Variants in TMEM237 observed in about 807,000 individuals in gnomAD.
The protein encoded by TMEM237 is amyotrophic lateral sclerosis 2 (juvenile) chromosome region, candidate 4.
Under a neutral mutation model 59.1 loss-of-function variants are expected in TMEM237, and 51 were observed. The observed-to-expected ratio is 0.86, with a 90% CI of 0.69 to 1.09. The LOEUF (loss-of-function observed/expected upper bound fraction) is 1.09, where lower values mean the gene tolerates loss of function less well. Among genes scored for constraint, TMEM237 ranks in the 50% least tolerant of loss-of-function variants. TMEM237 has a pLI of 0.00. For synonymous variants in TMEM237, 140 were observed against 166.1 expected, an observed-to-expected ratio of 0.84 and a Z score of 1.21; for missense variants, 475 against 478.3, an observed-to-expected ratio of 0.99 and a Z score of 0.06.
chr2:201,636,181 A>G (rs1687294279), intron 5 of TMEM237: 1 of 152,264 alleles, frequency 6.6e-6, no homozygotes, highest in Admixed American at 6.5e-5. Context: ...AACATCCTTT[A>G]ATTACTGCAG....
At chr2:201,624,398 A>T in intron 12 of TMEM237, 76 bp from the exon 13 acceptor site, 1 of 1,070,076 alleles carries the variant, frequency 9.3e-7, no homozygotes, top group Non-Finnish European at 1.4e-6. Context: ...GCTTATTTAT[A>T]AATAGTCCTT....
At position 201,623,333 on chromosome 2, in the gene TMEM237, A is replaced by C. The variant is rs1957727508; in HGVS notation, c.*922T>G. Reference sequence around the variant, plus strand: ...CAACAGCTGAGGTACCATTGGATATAGTTCTGAAGAGATCTTTCCCAGTGC... The same window carrying C: ...CAACAGCTGAGGTACCATTGGATATCGTTCTGAAGAGATCTTTCCCAGTGC... On this transcript the variant is annotated 3_prime_UTR_variant, in exon 13 of 13. Coordinates refer to ENST00000409883, the MANE Select transcript of TMEM237 (RefSeq NM_001044385.3). The C allele has an allele frequency of 3.6e-6, 1 of 277,488 alleles. No individual in the cohort carries two copies. Among genetic ancestry groups the C allele is most frequent in the South Asian group, 3.9e-5 (1 of 25,636 alleles). 17.2% of individuals were successfully genotyped at this position (277,488 alleles called of 1,614,324 possible).
At chr2:201,641,728 G>GATACAC (rs1367872102) in intron 1 of TMEM237, among the ~76,000 whole-genome samples, 1 of 95,878 alleles carries the variant, frequency 1.0e-5, no homozygotes, top group African/African-American at 3.9e-5. Flanking sequence ...ATATACACAA[G>GATACAC]ATACACACAC....
In TMEM237 at chr2:201,642,996, T is replaced by G. The variant is rs1439202166; in HGVS notation, c.42+363A>C. On this transcript the variant is annotated intron_variant, in intron 1 of 12. Coordinates refer to ENST00000409883, the MANE Select transcript of TMEM237 (RefSeq NM_001044385.3). ...AAAGGACTCCGCAGGCGAACAGATC[T>G]CTTCTGGGCAGCTACAGACCTCTCC... 3.0e-5 allele frequency: 39 copies of G among 1,292,284 alleles called. No individual in the cohort carries two copies. The Admixed American group carries it at 1.6e-3, about 53-fold the overall frequency. 80.1% of individuals were successfully genotyped at this position (1,292,284 alleles called of 1,614,324 possible). A position where few individuals can be genotyped will look rare whatever the true frequency, so the allele number is the denominator to read the frequency against.
At position 201,638,980 on chromosome 2, in the gene TMEM237, A is replaced by C; in HGVS notation, c.136+9T>G. 6.3e-7 allele frequency: 1 copy of C among 1,576,056 alleles called. No individual in the cohort carries two copies. Among genetic ancestry groups the C allele is most frequent in the East Asian group, 2.3e-5 (1 of 43,702 alleles). On this transcript the variant is annotated intron_variant, in intron 4 of 12. Transcript: ENST00000409883. ...TTGTGATCCCACACAACAAAGAATAACGTCTTACCTGGTGTGTTTTTTGTT... is the reference window on the plus strand; with the variant it reads ...TTGTGATCCCACACAACAAAGAATACCGTCTTACCTGGTGTGTTTTTTGTT...
Position 201,643,314 on chromosome 2 carries a change from G to C in TMEM237, c.42+45C>G. 1.3e-6 allele frequency: 2 copies of C among 1,539,352 alleles called. No individual in the cohort carries two copies. Among genetic ancestry groups the C allele is most frequent in the Non-Finnish European group, 1.8e-6 (2 of 1,139,894 alleles). On this transcript the variant is annotated intron_variant, in intron 1 of 12. Coordinates refer to ENST00000409883, the MANE Select transcript of TMEM237 (RefSeq NM_001044385.3). The surrounding 1 kb of genome is among the most constrained non-coding windows in gnomAD (Gnocchi z 4.3). Reference sequence around the variant, plus strand: ...CCCACCCCCACTGCCAAGTGTAGCTGTTTACCCGCCACCTCTCGAGGCCGA... The same window carrying C: ...CCCACCCCCACTGCCAAGTGTAGCTCTTTACCCGCCACCTCTCGAGGCCGA...
rs114996195 is a variant in TMEM237 at position 201,638,784 on chromosome 2, C to T, written c.136+205G>A. ...GGCACCACCTTCTATTCCATGAATGCGTCCAGATACTCCTCAGGCTGCCCA... is the reference window on the plus strand; with the variant it reads ...GGCACCACCTTCTATTCCATGAATGTGTCCAGATACTCCTCAGGCTGCCCA... On this transcript the variant is annotated intron_variant, in intron 4 of 12. Transcript: ENST00000409883. 3,911 of 577,894 alleles carry T rather than the reference C, an allele frequency of 6.8e-3. 36 individuals are homozygous for T. The highest frequency in any genetic ancestry group is 0.028 in the African/African-American group (1,482 of 52,648). The allele number at this position is 577,894 out of a possible 1,614,324, so 35.8% of individuals were successfully genotyped here.
chr2:201,624,250 T>C lies in TMEM237; in HGVS notation c.*5A>G. On this transcript the variant is annotated 3_prime_UTR_variant, in exon 13 of 13. Transcript: ENST00000409883. ...GGTCATTATTCCTCCAAAGGTGAGC[T>C]GGTATTATGAAGAGGCTTTGATTTC... 1 of 1,609,932 alleles carries C rather than the reference T, an allele frequency of 6.2e-7. No individual in the cohort carries two copies. Among genetic ancestry groups the C allele is most frequent in the Non-Finnish European group, 8.5e-7 (1 of 1,177,156 alleles).
chr2:201,629,824 C>T lies in TMEM237; in HGVS notation c.582G>A (p.Glu194=), dbSNP rs1957793588. 1 of 1,612,992 alleles carries T rather than the reference C, an allele frequency of 6.2e-7. No homozygotes were observed. Among genetic ancestry groups the T allele is most frequent in the Non-Finnish European group, 8.5e-7 (1 of 1,179,694 alleles). ...SRRFQAADRS[E]LIKTTENIDV... is the part of the protein sequence containing the mutation. ...CTATGTTTTCTGTGGTCTTTATCAACTCTGAACGATCAGCAGCCTGGAATC... is the reference window on the plus strand; with the variant it reads ...CTATGTTTTCTGTGGTCTTTATCAATTCTGAACGATCAGCAGCCTGGAATC... The change falls in exon 8 of 13, where the codon GAG becomes GAA. Residue 194 remains glutamate, a synonymous_variant. Coordinates refer to ENST00000409883, the MANE Select transcript of TMEM237 (RefSeq NM_001044385.3).
intron 1 of TMEM237, among the ~76,000 whole-genome samples, chr2:201,641,280 C>A (rs188458405): frequency 1.6e-4 from 25 of 152,322 alleles, no homozygotes; most frequent in African/African-American, 5.8e-4. Context: ...GAGTGAGCCA[C>A]TACGCCCGGC....
At chr2:201,638,894 T>G in intron 4 of TMEM237, 95 bp downstream of exon 4, 2 of 1,198,118 alleles carry the variant, frequency 1.7e-6, no homozygotes. Flanking sequence ...GATTCGGGGC[T>G]GCTGGGGCCT....
At chr2:201,626,211 A>G in intron 11 of TMEM237, 64 bp from the exon 12 acceptor site, 1 of 1,534,674 alleles carries the variant, frequency 6.5e-7, no homozygotes, top group Non-Finnish European at 8.8e-7. Flanking sequence ...AAATATATCT[A>G]TTTTATGAAC....
intron 7 of TMEM237, among the ~76,000 whole-genome samples, chr2:201,631,703 T>G (rs1559587051): frequency 1.3e-5 from 2 of 152,178 alleles, no homozygotes; most frequent in Non-Finnish European, 2.9e-5. Context: ...AAGTCTTTTG[T>G]CCTATGCATA....
intron 4 of TMEM237, 105 bp downstream of exon 4, chr2:201,638,884 G>C: frequency 9.0e-7 from 1 of 1,109,784 alleles, no homozygotes; most frequent in Non-Finnish European, 1.3e-6. Flanking sequence ...ATGAAGTGGA[G>C]ATTCGGGGCT....
At chr2:201,630,220 T>C (rs2105899385) in intron 7 of TMEM237, among the ~76,000 whole-genome samples, 1 of 152,344 alleles carries the variant, frequency 6.6e-6, no homozygotes, top group East Asian at 1.9e-4. Context: ...TTAGAAGTAT[T>C]AAAGTTTATA....
intron 1 of TMEM237, chr2:201,642,923 G>A: frequency 1.5e-6 from 2 of 1,331,290 alleles, no homozygotes; most frequent in Non-Finnish European, 1.9e-6. Context: ...CCTAAGTGGT[G>A]GCGGTGATTT....
rs1957710863 is a variant in TMEM237, at chr2:201,621,818, T to G, written c.*2437A>C. On this transcript the variant is annotated 3_prime_UTR_variant, in exon 13 of 13. Coordinates refer to ENST00000409883, the MANE Select transcript of TMEM237 (RefSeq NM_001044385.3). ...GACTGGATCAGCTTGCATGTCAATCTAGTCCACTGTAAGCTGGAGAAAGTT... is the reference window on the plus strand; with the variant it reads ...GACTGGATCAGCTTGCATGTCAATCGAGTCCACTGTAAGCTGGAGAAAGTT... The G allele has an allele frequency of 6.6e-6, 1 of 152,660 alleles. No individual in the cohort carries two copies. Among genetic ancestry groups the G allele is most frequent in the Non-Finnish European group, 1.5e-5 (1 of 68,038 alleles). 9.5% of individuals were successfully genotyped at this position (152,660 alleles called of 1,614,324 possible).
In TMEM237 at chr2:201,623,598, G is replaced by A. The variant is rs1353193591; in HGVS notation, c.*657C>T. 2.0e-5 allele frequency: 3 copies of A among 152,442 alleles called. No homozygotes were observed. The highest frequency in any genetic ancestry group is 7.2e-5 in the African/African-American group (3 of 41,400). 9.4% of individuals were successfully genotyped at this position (152,442 alleles called of 1,614,324 possible). On this transcript the variant is annotated 3_prime_UTR_variant, in exon 13 of 13. Coordinates refer to ENST00000409883, the MANE Select transcript of TMEM237 (RefSeq NM_001044385.3). ...ATAGATTTTTAAAATCTCCCTCTAT[G>A]ATCCTGATGTACAACCAGATATGAG...
chr2:201,641,579 GT>G (rs1156340497), intron 1 of TMEM237, among the ~76,000 whole-genome samples: 1 of 151,450 alleles, frequency 6.6e-6, no homozygotes, highest in Non-Finnish European at 1.5e-5. Context: ...CATTCTAGTG[GT>G]TGAGTATTAG....
Sources: allele counts gnomAD v4.1 joint callset (sites outside exome capture counted in the v4.1 genomes callset), GRCh38; gene constraint gnomAD v4.1.1; non-coding constraint Gnocchi (gnomAD v3.1); transcripts MANE v1.5; gene names NCBI Gene and HGNC (gene_info 2026-07-23, HGNC 2026-07-21).